POTEF: variants seen among roughly 807,000 people sequenced by gnomAD.
The protein encoded by POTEF is ANKRD26-like family C member 1B.
POTEF carries 20 observed loss-of-function variants against 83.2 expected under a neutral mutation model. That is an observed-to-expected ratio of 0.24 (90% CI 0.17 to 0.35). POTEF has a LOEUF of 0.35. Ranked by LOEUF, POTEF falls within the 10% of genes least tolerant of loss-of-function variation. The pLI is 1.00. For missense variants in POTEF, 550 were observed against 1,203.2 expected (o/e 0.46, Z 8.03); for synonymous variants, 196 against 446.4 (o/e 0.44, Z 7.07).
intron 2 of POTEF, among the ~76,000 whole-genome samples, chr2:130,121,359 G>T (rs1375839138): frequency 6.8e-6 from 1 of 146,922 alleles, no homozygotes; most frequent in Admixed American, 6.7e-5. Flanking sequence ...TGGAACTTGA[G>T]GATGCTGACA....
intron 11 of POTEF, among the ~76,000 whole-genome samples, chr2:130,094,986 A>T (rs1296262223): frequency 6.6e-6 from 1 of 151,816 alleles, no homozygotes; most frequent in Admixed American, 6.6e-5. Context: ...AAATGCAGAC[A>T]ATTACCAGGC....
intron 9 of POTEF, among the ~76,000 whole-genome samples, chr2:130,101,281 A>T (rs1684364853): frequency 6.6e-6 from 1 of 150,648 alleles, no homozygotes. Flanking sequence ...TTGAGATTAT[A>T]TACTGTCATA....
intron 2 of POTEF, among the ~76,000 whole-genome samples, chr2:130,122,742 C>T (rs1685025431): frequency 6.6e-6 from 1 of 150,858 alleles, no homozygotes; most frequent in South Asian, 2.1e-4. Flanking sequence ...AAATCGTTCA[C>T]ATCCTTCATT....
intron 15 of POTEF, among the ~76,000 whole-genome samples, chr2:130,083,331 T>A (rs1485263080): frequency 1.3e-5 from 2 of 151,922 alleles, no homozygotes; most frequent in African/African-American, 4.9e-5. Context: ...TGAGACTCTG[T>A]CTTAAAAAAA....
rs1553425822 is a variant in POTEF, at chr2:130,129,178, C to CT, written c.-357_-356insA. On this transcript the variant is annotated 5_prime_UTR_variant, in exon 1 of 17. Transcript: ENST00000409914. ...GCTCAGGCTCCAGCCTCCAGCATGC[C>CT]GCTCCCTTCTACTCGTCTTCCTGCC... 1.7e-5 allele frequency: 1 copy of CT among 58,448 alleles called. No homozygotes were observed. The highest frequency in any genetic ancestry group is 3.6e-5 in the Non-Finnish European group (1 of 27,738). The allele number at this position is 58,448 out of a possible 1,614,324, so 3.6% of individuals were successfully genotyped here. A position where few individuals can be genotyped will look rare whatever the true frequency, so the allele number is the denominator to read the frequency against.
In POTEF at chr2:130,076,554, T is replaced by C. The variant is rs532439055; in HGVS notation, c.1899+527A>G. 6.9e-5 allele frequency among the ~76,000 whole-genome samples: 10 copies of C among 145,230 alleles called. No individual in the cohort carries two copies. In the South Asian group the frequency reaches 1.5e-3, roughly 22 times the overall value. ...AGAAAGAAAATACTTATCAATAAAT[T>C]ATTACTAAATGTGTATCATGGCATG... On this transcript the variant is annotated intron_variant, in intron 16 of 16. Transcript: ENST00000409914.
rs1185646616 is a variant in POTEF, at chr2:130,108,133, A to T, written c.1056-54T>A. On this transcript the variant is annotated intron_variant, in intron 7 of 16. Transcript: ENST00000409914. ...TACTATTTTAATACTGATATAAAAA[A>T]ACTTACCAAATGTAGAATTATTAAG... 2.0e-6 allele frequency: 3 copies of T among 1,523,704 alleles called. No homozygotes were observed. The Admixed American group carries it at 6.3e-5, about 32-fold the overall frequency. The allele number at this position is 1,523,704 out of a possible 1,614,324, so 94.4% of individuals were successfully genotyped here.
At chr2:130,115,808 C>T (rs1182121897) in intron 3 of POTEF, among the ~76,000 whole-genome samples, 1 of 152,100 alleles carries the variant, frequency 6.6e-6, no homozygotes, top group Non-Finnish European at 1.5e-5. Flanking sequence ...TGAGATGATA[C>T]AATTATACCT....
chr2:130,112,107 AAAC>A lies in POTEF; in HGVS notation c.811-9_811-7del, dbSNP rs1449128247. The stretch of plus-strand genomic sequence containing the variant: ...AACAGTGGTGTGAGGCCATGCTGTA[AAAC>A]AATATAAAGCAAAAACCTATGTAAT... On this transcript the variant is annotated splice_region_variant and splice_polypyrimidine_tract_variant and intron_variant, in intron 5 of 16. Transcript: ENST00000409914. 6.8e-7 allele frequency: 1 copy of A among 1,478,476 alleles called. No homozygotes were observed. The highest frequency in any genetic ancestry group is 2.3e-5 in the Admixed American group (1 of 44,392). 91.6% of individuals were successfully genotyped at this position (1,478,476 alleles called of 1,614,324 possible).
At position 130,075,591 on chromosome 2, in the gene POTEF, C is replaced by G. The variant is rs1413352158; in HGVS notation, c.1900-19G>C. ...GAGAAAGCTAAGTAAACAAAGAGAA[C>G]TTTTAGTTAGCACTCAATAGATTGA... On this transcript the variant is annotated intron_variant, in intron 16 of 16. Coordinates refer to ENST00000409914, the MANE Select transcript of POTEF (RefSeq NM_001099771.2). 6.2e-7 allele frequency: 1 copy of G among 1,603,668 alleles called. No homozygotes were observed. Among genetic ancestry groups the G allele is most frequent in the Non-Finnish European group, 8.5e-7 (1 of 1,176,470 alleles).
chr2:130,083,194 G>A (rs1162891912), intron 15 of POTEF, among the ~76,000 whole-genome samples: 2 of 144,440 alleles, frequency 1.4e-5, no homozygotes, highest in Admixed American at 6.8e-5. Flanking sequence ...AATTAGCCAG[G>A]CGTGGTGTTG....
At chr2:130,114,725 A>G (rs908873302) in intron 5 of POTEF, among the ~76,000 whole-genome samples, 156 bp downstream of exon 5, 13 of 152,050 alleles carry the variant, frequency 8.5e-5, no homozygotes, top group Non-Finnish European at 1.6e-4. Context: ...GAAAGTAACA[A>G]TATTTAAAAT....
chr2:130,113,221 GAA>G (rs1206432110), intron 5 of POTEF, among the ~76,000 whole-genome samples: 1,967 of 49,918 alleles, frequency 0.039, 76 homozygotes, highest in African/African-American at 0.14. Flanking sequence ...CATCTCTACT[GAA>G]AAAAAAAAAA....
intron 7 of POTEF, 116 bp from the exon 8 acceptor site, chr2:130,108,195 A>G (rs1684598752): frequency 1.4e-6 from 2 of 1,438,162 alleles, no homozygotes; most frequent in South Asian, 1.3e-5. Flanking sequence ...AGAACTTAAT[A>G]GTATTATCCC....
At chr2:130,128,718 C>G (rs187821401) in intron 1 of POTEF, among the ~76,000 whole-genome samples, 4,963 of 148,596 alleles carry the variant, frequency 0.033, 15 homozygotes, top group African/African-American at 0.11. Flanking sequence ...GTGCAGCACC[C>G]GACAACACTC....
At position 130,120,348 on chromosome 2, in the gene POTEF, T is replaced by C. The variant is rs1400377693; in HGVS notation, c.168A>G (p.Thr56=). ...ACCACTTGCCCATCTTGCTCCTGAG[T>C]GTCTTCATAGCAGAGTCGTCGTGGT... ...SGDHDDSAMK[T]LRSKMGKWCR... is the part of the protein sequence containing the mutation. Residue 56 remains threonine (T), a synonymous_variant, in exon 3 of 17, where the codon ACA becomes ACG. Transcript: ENST00000409914. 2.5e-6 allele frequency: 4 copies of C among 1,591,394 alleles called. No homozygotes were observed. The highest frequency in any genetic ancestry group is 2.2e-5 in the South Asian group (2 of 90,490).
At chr2:130,079,262 AAAG>A (rs1311935848) in intron 15 of POTEF, among the ~76,000 whole-genome samples, 3 of 143,290 alleles carry the variant, frequency 2.1e-5, no homozygotes, top group East Asian at 4.1e-4. Flanking sequence ...ACATTTCTCA[AAAG>A]AAGATGTACA....
intron 7 of POTEF, chr2:130,109,343 G>A (rs1331253985): frequency 2.8e-5 from 4 of 142,106 alleles, no homozygotes; most frequent in Admixed American, 7.2e-5. Context: ...TTAGTGATGC[G>A]TCATGGACAA....
rs749680934 is a variant in POTEF at position 130,075,495 on chromosome 2, T to C, written c.1977A>G (p.Arg659=). Residue 659 remains arginine (R), a synonymous_variant, in exon 17 of 17, where the codon AGA becomes AGG. Transcript: ENST00000409914. ...GATGTTTCATTGTGTCTAGCTCCAG[T>C]CTTAGCATGGCAATTTCTTCCCGCA... ...STLREEIAML[R]LELDTMKHQS... 3 of 1,611,366 alleles carry C rather than the reference T, an allele frequency of 1.9e-6. No individual in the cohort carries two copies. Among genetic ancestry groups the C allele is most frequent in the Non-Finnish European group, 1.7e-6 (2 of 1,179,664 alleles).
Sources: allele counts gnomAD v4.1 joint callset (sites outside exome capture counted in the v4.1 genomes callset), GRCh38; gene constraint gnomAD v4.1.1; transcripts MANE v1.5; gene names NCBI Gene and HGNC (gene_info 2026-07-23, HGNC 2026-07-21).